Variants in PPM1B observed in about 807,000 individuals in gnomAD.
PPM1B encodes protein phosphatase, Mg2+/Mn2+ dependent 1B.
In PPM1B, 22 loss-of-function variants were observed where a neutral mutation model predicts 43.0. The ratio of observed to expected loss-of-function variants is 0.51; its 90% CI spans 0.37 to 0.73. PPM1B has a LOEUF of 0.73. Among genes scored for constraint, PPM1B ranks in the 30% least tolerant of loss-of-function variants. The pLI is 0.00. For synonymous variants in PPM1B, 217 were observed against 197.9 expected, an observed-to-expected ratio of 1.10 and a Z score of -0.81; for missense variants, 632 against 584.2, an observed-to-expected ratio of 1.08 and a Z score of -0.84.
intron 1 of PPM1B, among the ~76,000 whole-genome samples, chr2:44,178,643 G>A (rs2104010743): frequency 6.6e-6 from 1 of 151,584 alleles, no homozygotes; most frequent in East Asian, 1.9e-4. Context: ...TAATTTTTTT[G>A]TATTTTTAGT....
chr2:44,219,829 G>C (rs1156619854), intron 5 of PPM1B, among the ~76,000 whole-genome samples: 1 of 151,920 alleles, frequency 6.6e-6, no homozygotes, highest in Non-Finnish European at 1.5e-5. Flanking sequence ...TGTAATCCCA[G>C]CTACTCGGGA....
chr2:44,181,685 A>G (rs566369855), intron 1 of PPM1B, among the ~76,000 whole-genome samples: 40 of 152,336 alleles, frequency 2.6e-4, no homozygotes, highest in African/African-American at 4.8e-5. Context: ...TGCTGTTACT[A>G]ATACAAATAG....
chr2:44,211,107 G>T (rs11689845), intron 3 of PPM1B, among the ~76,000 whole-genome samples: 84,206 of 151,858 alleles, frequency 0.55, 24,099 homozygotes, highest in Admixed American at 0.65. Context: ...CTGTACTCTA[G>T]CCTGGATGAC....
At chr2:44,192,650 C>T (rs1416414168) in intron 1 of PPM1B, among the ~76,000 whole-genome samples, 3 of 152,082 alleles carry the variant, frequency 2.0e-5, no homozygotes. Flanking sequence ...TATCTATCAC[C>T]TTACATAATT....
chr2:44,183,805 C>A (rs1261231824), intron 1 of PPM1B, among the ~76,000 whole-genome samples: 1 of 152,056 alleles, frequency 6.6e-6, no homozygotes, highest in Admixed American at 6.5e-5. Flanking sequence ...GTGGCGCGAT[C>A]TCGGCTCACT....
intron 2 of PPM1B, among the ~76,000 whole-genome samples, chr2:44,203,296 A>G (rs1480381237): frequency 6.6e-6 from 1 of 152,008 alleles, no homozygotes; most frequent in African/African-American, 2.4e-5. Flanking sequence ...TTACTTCTGG[A>G]TGAGTTAAGT....
At chr2:44,226,061 C>T (rs528897811) in intron 5 of PPM1B, among the ~76,000 whole-genome samples, 7 of 150,194 alleles carry the variant, frequency 4.7e-5, no homozygotes, top group Non-Finnish European at 7.4e-5. Flanking sequence ...CTGCAAGCTC[C>T]GTCTCCCAGG....
downstream of PPM1B, among the ~76,000 whole-genome samples, chr2:44,239,179 C>CAAAAAA (rs1193340508): frequency 1.3e-3 from 113 of 88,978 alleles, no homozygotes; most frequent in East Asian, 1.9e-3. Flanking sequence ...GTCTCTAATA[C>CAAAAAA]AAAAAAAAAA....
chr2:44,203,331 G>A (rs1372049711), intron 2 of PPM1B, among the ~76,000 whole-genome samples: 1 of 152,094 alleles, frequency 6.6e-6, no homozygotes, highest in Non-Finnish European at 1.5e-5. Flanking sequence ...GGTTGTCAGT[G>A]ATCAAATAGT....
At chr2:44,228,255 A>G (rs140550562) in intron 5 of PPM1B, among the ~76,000 whole-genome samples, 103 of 138,134 alleles carry the variant, frequency 7.5e-4, no homozygotes, top group Admixed American at 3.4e-3. Context: ...TGGTATGGTC[A>G]TGGGTCACTG....
At chr2:44,211,538 C>G (rs1459996254) in intron 3 of PPM1B, among the ~76,000 whole-genome samples, 2 of 152,044 alleles carry the variant, frequency 1.3e-5, no homozygotes. Context: ...GGGTTGTTGT[C>G]TTTCAGGTTA....
chr2:44,218,771 TTTTTG>T (rs563507788), intron 5 of PPM1B: 168 of 461,420 alleles, frequency 3.6e-4, no homozygotes, highest in African/African-American at 3.1e-3. Context: ...CAAATGACCT[TTTTTG>T]TTTGGGCTGT....
At chr2:44,187,350 T>C (rs1201017428) in intron 1 of PPM1B, among the ~76,000 whole-genome samples, 1 of 152,240 alleles carries the variant, frequency 6.6e-6, no homozygotes, top group Non-Finnish European at 1.5e-5. Flanking sequence ...TTGGCTGTTA[T>C]GCATAATATG....
In PPM1B at chr2:44,218,364, C is replaced by A. The variant is rs1291029349; in HGVS notation, c.1077-116C>A. The A allele has an allele frequency of 9.0e-6, 7 of 779,348 alleles. No homozygotes were observed. The East Asian group carries it at 1.9e-4, about 21-fold the overall frequency. 48.3% of individuals were successfully genotyped at this position (779,348 alleles called of 1,614,324 possible). On this transcript the variant is annotated intron_variant, in intron 4 of 5. Coordinates refer to ENST00000282412, the MANE Select transcript of PPM1B (RefSeq NM_002706.6). ...TAAAGTGTAGAAGGTATGTTCTTGA[C>A]AAGTATAGAGTGTACCAGTTACTTT...
Position 44,180,664 on chromosome 2 carries a change from G to T in PPM1B, c.-15+11390G>T, listed in dbSNP as rs543875465. Among the ~76,000 whole-genome samples, 131 of 152,054 alleles carry T rather than the reference G, an allele frequency of 8.6e-4. 1 individual carries two copies. In the South Asian group the frequency reaches 0.025, roughly 29 times the overall value. On this transcript the variant is annotated intron_variant, in intron 1 of 5. Transcript: ENST00000282412. ...CTCACTCTGTTGTCCAGGCTAGAGTGCAGGAGTGTGATCATATCTCACTGC... is the reference window on the plus strand; with the variant it reads ...CTCACTCTGTTGTCCAGGCTAGAGTTCAGGAGTGTGATCATATCTCACTGC...
At chr2:44,225,796 AC>A (rs1205182454) in intron 5 of PPM1B, among the ~76,000 whole-genome samples, 1 of 151,866 alleles carries the variant, frequency 6.6e-6, no homozygotes, top group Non-Finnish European at 1.5e-5. Context: ...AGCTGGGACT[AC>A]AGGCATGCAC....
At chr2:44,240,763 G>A (rs1221607570) in intron 5 of PPM1B, among the ~76,000 whole-genome samples, 2 of 144,910 alleles carry the variant, frequency 1.4e-5, no homozygotes, top group Non-Finnish European at 3.1e-5. Context: ...GCATGAAACA[G>A]CGTTTTCTGG....
intron 1 of PPM1B, among the ~76,000 whole-genome samples, chr2:44,177,417 C>A (rs995618113): frequency 4.6e-5 from 3 of 64,780 alleles, no homozygotes; most frequent in Non-Finnish European, 6.3e-5. Flanking sequence ...AGTGAAATAA[C>A]CTTTTTTTTT....
chr2:44,187,868 T>C (rs998769353), intron 1 of PPM1B, among the ~76,000 whole-genome samples: 3 of 151,940 alleles, frequency 2.0e-5, no homozygotes, highest in Non-Finnish European at 4.4e-5. Flanking sequence ...TCCTGCCTCA[T>C]CCTCCCTAGT....
Sources: gnomAD v4.1 joint callset for allele counts (sites outside exome capture counted in the v4.1 genomes callset) on GRCh38, gnomAD v4.1.1 for gene constraint, MANE v1.5 for transcripts, NCBI Gene and HGNC (gene_info 2026-07-23, HGNC 2026-07-21) for gene names.